The following C8orf34 variants were observed in gnomAD, a reference collection of about 807,000 sequenced individuals.
C8orf34 encodes chromosome 8 open reading frame 34.
Under a neutral mutation model 68.3 loss-of-function variants are expected in C8orf34, and 65 were observed. The ratio of observed to expected loss-of-function variants is 0.95; its 90% confidence interval spans 0.78 to 1.17. The LOEUF is 1.17. C8orf34 is among the 50% of genes most tolerant of loss of function. The pLI, the probability that C8orf34 is intolerant of heterozygous loss-of-function variation, is 0.00. For missense variants in C8orf34, 664 were observed against 655.4 expected (o/e 1.01, Z -0.14); for synonymous variants, 244 against 241.2 (o/e 1.01, Z -0.11).
At chr8:68,589,342 T>C (rs1385456609) in intron 7 of C8orf34, among the ~76,000 whole-genome samples, 1 of 150,142 alleles carries the variant, frequency 6.7e-6, no homozygotes. Flanking sequence ...CTAAGATTAA[T>C]ATAGTAAGAA....
intron 10 of C8orf34, 71 bp downstream of exon 10, chr8:68,721,508 A>T (rs1821677635): frequency 1.0e-6 from 1 of 982,390 alleles, no homozygotes; most frequent in African/African-American, 1.7e-5. Flanking sequence ...GTAAATCTAA[A>T]TAAAATATAA....
At chr8:68,370,939 A>C (rs539030555) in intron 1 of C8orf34, among the ~76,000 whole-genome samples, 6 of 152,242 alleles carry the variant, frequency 3.9e-5, no homozygotes, top group Middle Eastern at 3.4e-3. Flanking sequence ...CATTTTTTAC[A>C]TGTCTTCCAG....
intron 5 of C8orf34, among the ~76,000 whole-genome samples, chr8:68,511,793 T>A (rs1156665433): frequency 6.6e-6 from 1 of 152,188 alleles, no homozygotes; most frequent in Non-Finnish European, 1.5e-5. Context: ...CCAAATTTTG[T>A]TTGTAAGAGT....
At chr8:68,460,144 C>A (rs147660044) in intron 3 of C8orf34, among the ~76,000 whole-genome samples, 1,788 of 152,312 alleles carry the variant, frequency 0.012, 39 homozygotes, top group African/African-American at 0.04. Flanking sequence ...TTATATCCTG[C>A]ACCTGGCTCG....
intron 11 of C8orf34, among the ~76,000 whole-genome samples, chr8:68,783,375 GA>G (rs1563667303): frequency 6.6e-6 from 1 of 152,036 alleles, no homozygotes; most frequent in East Asian, 1.9e-4. Context: ...AAAATTATCT[GA>G]GCATGGAGGC....
At chr8:68,484,268 A>T (rs2129631265) in intron 4 of C8orf34, among the ~76,000 whole-genome samples, 1 of 152,312 alleles carries the variant, frequency 6.6e-6, no homozygotes, top group South Asian at 2.1e-4. Context: ...ATGGTACTGG[A>T]CCATTCATGA....
intron 7 of C8orf34, among the ~76,000 whole-genome samples, chr8:68,638,838 T>C (rs2130728052): frequency 6.6e-6 from 1 of 152,232 alleles, no homozygotes; most frequent in African/African-American, 2.4e-5. Flanking sequence ...TAACCTCTAG[T>C]TTAAAGTTCT....
At chr8:68,482,429 T>C (rs1812899604) in intron 4 of C8orf34, among the ~76,000 whole-genome samples, 1 of 152,164 alleles carries the variant, frequency 6.6e-6, no homozygotes, top group Non-Finnish European at 1.5e-5. Flanking sequence ...ATAAAGGGTG[T>C]TTTTTAAAAT....
intron 3 of C8orf34, among the ~76,000 whole-genome samples, chr8:68,465,156 G>T (rs577922758): frequency 1.1e-3 from 169 of 152,014 alleles, no homozygotes; most frequent in African/African-American, 3.6e-3. Context: ...GAACCGACAC[G>T]TCACAAAAGA....
intron 8 of C8orf34, among the ~76,000 whole-genome samples, chr8:68,708,045 A>G (rs1245802515): frequency 6.6e-6 from 1 of 152,198 alleles, no homozygotes. Context: ...AAAATTAATT[A>G]AAAGTACAAA....
At chr8:68,497,954 G>A (rs1193980661) in intron 5 of C8orf34, among the ~76,000 whole-genome samples, 2 of 151,950 alleles carry the variant, frequency 1.3e-5, no homozygotes, top group East Asian at 1.9e-4. Context: ...TCAGCCTCCC[G>A]TGTAACTGGG....
At chr8:68,675,425 A>G (rs1381683202) in intron 8 of C8orf34, among the ~76,000 whole-genome samples, 1 of 152,178 alleles carries the variant, frequency 6.6e-6, no homozygotes, top group African/African-American at 2.4e-5. Context: ...GTGGAGAGAC[A>G]AAGTTAAAAT....
At chr8:68,793,909 C>T (rs528899884) in intron 12 of C8orf34, among the ~76,000 whole-genome samples, 3 of 151,882 alleles carry the variant, frequency 2.0e-5, no homozygotes, top group East Asian at 3.9e-4. Context: ...AAATATGGTA[C>T]GTATAAAAAT....
intron 7 of C8orf34, among the ~76,000 whole-genome samples, chr8:68,610,861 G>GTTTTTTTTTTTTTTTTT (rs60113883): frequency 8.3e-6 from 1 of 120,474 alleles, no homozygotes; most frequent in African/African-American, 3.5e-5. Flanking sequence ...TGAATCTTTG[G>GTTTTTTTTTTTTTTTTT]TTTTTTTTTT....
intron 7 of C8orf34, among the ~76,000 whole-genome samples, chr8:68,620,861 A>AT (rs1480928249): frequency 3.3e-5 from 5 of 151,896 alleles, no homozygotes; most frequent in Admixed American, 6.6e-5. Flanking sequence ...AATAAATTAG[A>AT]TTTTTTATCC....
At chr8:68,591,851 GACTATT>G (rs1172086279) in intron 7 of C8orf34, among the ~76,000 whole-genome samples, 2 of 152,126 alleles carry the variant, frequency 1.3e-5, no homozygotes, top group Non-Finnish European at 2.9e-5. Context: ...CCCATGATCA[GACTATT>G]ACTAACGGCT....
intron 5 of C8orf34, among the ~76,000 whole-genome samples, chr8:68,520,099 A>G (rs971941635): frequency 1.3e-5 from 2 of 152,160 alleles, no homozygotes; most frequent in Non-Finnish European, 2.9e-5. Flanking sequence ...AATCCATTGT[A>G]GTGCTTTAAT....
chr8:68,472,809 G>T (rs966365669), intron 4 of C8orf34, among the ~76,000 whole-genome samples: 4 of 152,030 alleles, frequency 2.6e-5, no homozygotes, highest in African/African-American at 9.7e-5. Context: ...AAATTTTCGA[G>T]ATATTTTATA....
At chr8:68,730,619 G>C (rs969514080) in intron 10 of C8orf34, among the ~76,000 whole-genome samples, 1 of 152,138 alleles carries the variant, frequency 6.6e-6, no homozygotes, top group African/African-American at 2.4e-5. Context: ...AGATGATAAA[G>C]TGTGATCTAA....
Sources: allele counts gnomAD v4.1 joint callset (sites outside exome capture counted in the v4.1 genomes callset), GRCh38; gene constraint gnomAD v4.1.1; transcripts MANE v1.5; gene names NCBI Gene and HGNC (gene_info 2026-07-23, HGNC 2026-07-21).